The following ZBTB20 variants were observed in gnomAD, a reference collection of about 807,000 sequenced individuals.
The protein encoded by ZBTB20 is zinc finger and BTB domain containing 20.
In ZBTB20, 9 loss-of-function variants were observed where a neutral mutation model predicts 56.9. That is an observed-to-expected ratio of 0.16 (90% confidence interval 0.10 to 0.28). The LOEUF (loss-of-function observed/expected upper bound fraction) is 0.28, where lower values mean the gene tolerates loss of function less well. Among genes scored for constraint, ZBTB20 ranks in the 10% least tolerant of loss-of-function variants. The pLI is 1.00. For missense variants in ZBTB20, 655 were observed against 1,003.0 expected (o/e 0.65, Z 4.69); for synonymous variants, 417 against 420.7 (o/e 0.99, Z 0.11).
intron 2 of ZBTB20, among the ~76,000 whole-genome samples, chr3:115,054,027 A>G (rs2081656803): frequency 6.6e-6 from 1 of 152,108 alleles, no homozygotes; most frequent in African/African-American, 2.4e-5. Flanking sequence ...GCATAATCAT[A>G]ATCCATTGTC....
At chr3:114,515,736 T>C (rs2109858908) in intron 6 of ZBTB20, among the ~76,000 whole-genome samples, 1 of 152,328 alleles carries the variant, frequency 6.6e-6, no homozygotes, top group East Asian at 1.9e-4. Context: ...TCTTTCTGCC[T>C]AGCACTGATA....
In ZBTB20 at chr3:114,329,823, A is replaced by C. The variant is rs1181522865; in HGVS notation, c.*9182T>G. 6.6e-6 allele frequency: 1 copy of C among 151,830 alleles called. No individual in the cohort carries two copies. The highest frequency in any genetic ancestry group is 2.4e-5 in the African/African-American group (1 of 41,356). 9.4% of individuals were successfully genotyped at this position (151,830 alleles called of 1,614,324 possible). A position where few individuals can be genotyped will look rare whatever the true frequency, so the allele number is the denominator to read the frequency against. On this transcript the variant is annotated 3_prime_UTR_variant, in exon 12 of 12. Transcript: ENST00000675478. ...AGTTAAAATAATTCTAAGCGTATTG[A>C]AAAAAGAAAGTGTAAAGATCCAGTA...
chr3:114,628,745 G>A (rs903676797), intron 6 of ZBTB20, among the ~76,000 whole-genome samples: 1 of 152,044 alleles, frequency 6.6e-6, no homozygotes, highest in Non-Finnish European at 1.5e-5. Context: ...CTTTTAACAG[G>A]TTACTAATAA....
chr3:114,804,609 G>T (rs1014401491), intron 4 of ZBTB20, among the ~76,000 whole-genome samples: 1 of 151,700 alleles, frequency 6.6e-6, no homozygotes, highest in Non-Finnish European at 1.5e-5. Flanking sequence ...ATTTATTTTA[G>T]TATTTTTTTC....
intron 3 of ZBTB20, among the ~76,000 whole-genome samples, chr3:114,966,532 T>A (rs1167993630): frequency 6.6e-6 from 1 of 152,164 alleles, no homozygotes; most frequent in South Asian, 2.1e-4. Flanking sequence ...AAGAGATAGA[T>A]GTTATTTTTT....
chr3:114,928,383 T>C (rs1215803061), intron 3 of ZBTB20, among the ~76,000 whole-genome samples: 2 of 149,614 alleles, frequency 1.3e-5, no homozygotes, highest in African/African-American at 2.4e-5. Flanking sequence ...ATGGAGAACC[T>C]CAAGGTTCTT....
rs1013467306 is a variant in ZBTB20 at position 114,330,404 on chromosome 3, G to C, written c.*8601C>G. ...GTAATATATATTTCAATATAGAGTT[G>C]TTATATATAATGTGTATGTCCTAGG... is the stretch of plus-strand genomic sequence containing the variant. On this transcript the variant is annotated 3_prime_UTR_variant, in exon 12 of 12. Coordinates refer to ENST00000675478, the MANE Select transcript of ZBTB20 (RefSeq NM_001348800.3). 16 of 152,152 alleles carry C rather than the reference G, an allele frequency of 1.1e-4. No individual in the cohort carries two copies. The highest frequency in any genetic ancestry group is 2.9e-5 in the Non-Finnish European group (2 of 68,034). The allele number at this position is 152,152 out of a possible 1,614,324, so 9.4% of individuals were successfully genotyped here. A position where few individuals can be genotyped will look rare whatever the true frequency, so the allele number is the denominator to read the frequency against.
At chr3:114,433,089 T>C (rs2090238432) in intron 7 of ZBTB20, among the ~76,000 whole-genome samples, 1 of 152,164 alleles carries the variant, frequency 6.6e-6, no homozygotes, top group South Asian at 2.1e-4. Flanking sequence ...TAGTTTTACG[T>C]AGATATAGGT....
At chr3:114,373,933 T>G (rs1038960223) in intron 10 of ZBTB20, among the ~76,000 whole-genome samples, 1 of 152,118 alleles carries the variant, frequency 6.6e-6, no homozygotes, top group Admixed American at 6.5e-5. Context: ...ATTTAAAAAA[T>G]AGAGGTAGAT....
In ZBTB20 at chr3:114,320,418, T is replaced by G. The variant is rs1448606831; in HGVS notation, c.*18587A>C. 6.6e-6 allele frequency: 1 copy of G among 152,206 alleles called. No homozygotes were observed. The highest frequency in any genetic ancestry group is 1.5e-5 in the Non-Finnish European group (1 of 68,026). The allele number at this position is 152,206 out of a possible 1,614,324, so 9.4% of individuals were successfully genotyped here. ...CAATAGAATCAGGCATTGCCAAGAA[T>G]AGCATGATGTGCAACCTCAATTATA... On this transcript the variant is annotated 3_prime_UTR_variant, in exon 12 of 12. Coordinates refer to ENST00000675478, the MANE Select transcript of ZBTB20 (RefSeq NM_001348800.3).
At chr3:114,598,972 G>C (rs564571005) in intron 6 of ZBTB20, among the ~76,000 whole-genome samples, 53 of 152,110 alleles carry the variant, frequency 3.5e-4, no homozygotes, top group Admixed American at 3.1e-3. Context: ...CCCTTAACGG[G>C]GGGGGACCCA....
At chr3:114,485,533 T>G (rs1412698784) in intron 7 of ZBTB20, among the ~76,000 whole-genome samples, 3 of 152,334 alleles carry the variant, frequency 2.0e-5, no homozygotes, top group Non-Finnish European at 4.4e-5. Context: ...TGAAATATCA[T>G]TTTATTACAA....
At chr3:114,617,079 T>C (rs2057989547) in intron 6 of ZBTB20, among the ~76,000 whole-genome samples, 1 of 152,182 alleles carries the variant, frequency 6.6e-6, no homozygotes, top group Admixed American at 6.5e-5. Context: ...ACTCCTATAA[T>C]CTATCCTCTA....
Position 114,350,809 on chromosome 3 carries a change from T to G in ZBTB20, c.1269A>C (p.Thr423=). ...AEAPAEGGPQ[T]NQLETGASSP... is the part of the protein sequence containing the mutation. ...AGGAAGCACCTGTTTCTAGCTGGTT[T>G]GTCTGCGGACCACCCTCAGCGGGGG... The change falls in exon 11 of 12, where the codon ACA becomes ACC. Residue 423 remains threonine (T), a synonymous_variant. Transcript: ENST00000675478. 6.2e-7 allele frequency: 1 copy of G among 1,613,846 alleles called. No homozygotes were observed. Among genetic ancestry groups the G allele is most frequent in the Non-Finnish European group, 8.5e-7 (1 of 1,180,014 alleles).
intron 6 of ZBTB20, among the ~76,000 whole-genome samples, chr3:114,528,310 T>C (rs924803995): frequency 1.3e-5 from 2 of 152,186 alleles, no homozygotes; most frequent in Non-Finnish European, 2.9e-5. Flanking sequence ...TTTTGTTCCC[T>C]TTTTCTTTGA....
At chr3:114,712,481 T>C (rs2064152585) in intron 5 of ZBTB20, among the ~76,000 whole-genome samples, 1 of 151,806 alleles carries the variant, frequency 6.6e-6, no homozygotes, top group African/African-American at 2.4e-5. Flanking sequence ...AGAAACCTCA[T>C]CTCTACTAAA....
chr3:114,531,260 TTTTC>T (rs1479735920), intron 6 of ZBTB20, among the ~76,000 whole-genome samples: 1 of 152,178 alleles, frequency 6.6e-6, no homozygotes, highest in Non-Finnish European at 1.5e-5. Flanking sequence ...TAAACTCTCC[TTTTC>T]TTTCTTTCTT....
chr3:114,670,249 C>T (rs1321841556), intron 6 of ZBTB20, among the ~76,000 whole-genome samples: 3 of 151,952 alleles, frequency 2.0e-5, no homozygotes, highest in Non-Finnish European at 4.4e-5. Context: ...GTACTGAGGG[C>T]TTCGCAAAAG....
At chr3:114,412,774 C>T (rs1216088509) in intron 7 of ZBTB20, among the ~76,000 whole-genome samples, 7 of 152,088 alleles carry the variant, frequency 4.6e-5, no homozygotes, top group Non-Finnish European at 8.8e-5. Context: ...GAAAACATCG[C>T]CTTCTACTTC....
Sources: gnomAD v4.1 joint callset for allele counts (sites outside exome capture counted in the v4.1 genomes callset) on GRCh38, gnomAD v4.1.1 for gene constraint, MANE v1.5 for transcripts, NCBI Gene and HGNC (gene_info 2026-07-23, HGNC 2026-07-21) for gene names.